GNPTAB: variants seen among roughly 807,000 people sequenced by gnomAD.
GNPTAB encodes the protein N-acetylglucosamine-1-phosphate transferase subunits alpha and beta.
Under a neutral mutation model 136.6 loss-of-function variants are expected in GNPTAB, and 92 were observed. That is an observed-to-expected ratio of 0.67 (90% CI 0.57 to 0.80). GNPTAB has a LOEUF of 0.80. Ranked by LOEUF, GNPTAB falls within the 30% of genes least tolerant of loss-of-function variation. GNPTAB has a pLI of 0.00. For synonymous variants in GNPTAB, 512 were observed against 535.1 expected, an observed-to-expected ratio of 0.96 and a Z score of 0.60; for missense variants, 1,343 against 1,501.8, an observed-to-expected ratio of 0.89 and a Z score of 1.75.
At chr12:101,811,598 G>A (rs1010888332) in intron 1 of GNPTAB, among the ~76,000 whole-genome samples, 15 of 151,586 alleles carry the variant, frequency 9.9e-5, no homozygotes, top group South Asian at 6.2e-4. Flanking sequence ...TTACGTGGCC[G>A]GAGAAGGAGG....
chr12:101,798,645 T>C (rs1007735062), intron 1 of GNPTAB, among the ~76,000 whole-genome samples: 1 of 152,230 alleles, frequency 6.6e-6, no homozygotes, highest in African/African-American at 2.4e-5. Flanking sequence ...CAATAAATCA[T>C]AACCGAATAA....
intron 16 of GNPTAB, 134 bp downstream of exon 16, chr12:101,759,896 T>C (rs1952965853): frequency 1.4e-6 from 1 of 702,196 alleles, no homozygotes; most frequent in East Asian, 2.7e-5. Flanking sequence ...TTACCTGTGC[T>C]ACTGTTTTGC....
chr12:101,796,331 T>C (rs1214956110), intron 2 of GNPTAB: 1 of 699,348 alleles, frequency 1.4e-6, no homozygotes, highest in Non-Finnish European at 2.6e-6. Context: ...GATTACTCTC[T>C]GTGAATCAGA....
chr12:101,797,242 G>C (rs1316421786), intron 1 of GNPTAB, among the ~76,000 whole-genome samples: 1 of 152,040 alleles, frequency 6.6e-6, no homozygotes, highest in Non-Finnish European at 1.5e-5. Flanking sequence ...TCTGTGCCTT[G>C]GAAGCACTGA....
At chr12:101,830,437 C>G in intron 1 of GNPTAB, 122 bp downstream of exon 1, 1 of 666,534 alleles carries the variant, frequency 1.5e-6, no homozygotes, top group South Asian at 1.5e-5. Context: ...CCAGCCTGGG[C>G]AACATGGCAA....
At chr12:101,749,471 ATTCATTTTTATTCACTC>A (rs1381879826) in intron 19 of GNPTAB, among the ~76,000 whole-genome samples, 7 of 152,212 alleles carry the variant, frequency 4.6e-5, no homozygotes, top group African/African-American at 1.7e-4. Flanking sequence ...CCACTCTTTC[ATTCATTTTTATTCACTC>A]ATACTTATTT....
chr12:101,819,051 G>C (rs372049734), intron 1 of GNPTAB, among the ~76,000 whole-genome samples: 1 of 150,204 alleles, frequency 6.7e-6, no homozygotes. Flanking sequence ...CGCTCTTGTC[G>C]CCCAGGCTGG....
chr12:101,757,446 C>A, intron 17 of GNPTAB, 126 bp downstream of exon 17: 1 of 762,098 alleles, frequency 1.3e-6, no homozygotes, highest in Non-Finnish European at 2.3e-6. Flanking sequence ...AATACTACTA[C>A]AGCAAACAAT....
Position 101,764,653 on chromosome 12 carries a change from G to A in GNPTAB, c.2264C>T (p.Thr755Ile). The A allele has an allele frequency of 6.2e-7, 1 of 1,613,226 alleles. No individual in the cohort carries two copies. The highest frequency in any genetic ancestry group is 8.5e-7 in the Non-Finnish European group (1 of 1,179,820). ...HAKIKNQAII[T>I]DETNDSLVAP... ...CACCAAACTGTCATTTGTTTCATCT[G>A]TTATTATAGCTTGATTTTTTATTTT... Residue 755 changes from threonine to isoleucine, a missense_variant, in exon 13 of 21, where the codon ACA (threonine) becomes ATA (isoleucine). By Grantham distance (89) the Thr-to-Ile change is moderately conservative. Transcript: ENST00000299314.
chr12:101,813,870 G>A (rs1006504366), intron 1 of GNPTAB, among the ~76,000 whole-genome samples: 3 of 152,112 alleles, frequency 2.0e-5, no homozygotes, highest in Non-Finnish European at 4.4e-5. Context: ...CACAAGGTCA[G>A]GAGTTTGAGA....
intron 1 of GNPTAB, among the ~76,000 whole-genome samples, chr12:101,821,056 TC>T (rs61336205): frequency 0.2 from 23,317 of 114,546 alleles, 2,684 homozygotes; most frequent in African/African-American, 0.28. Flanking sequence ...AGACTCCGTC[TC>T]AAAAAAAAAA....
intron 1 of GNPTAB, among the ~76,000 whole-genome samples, chr12:101,806,302 A>G (rs899417178): frequency 6.6e-6 from 1 of 152,232 alleles, no homozygotes; most frequent in Non-Finnish European, 1.5e-5. Context: ...CAAAATAACA[A>G]CAAGAAACAA....
At chr12:101,765,383 A>G in intron 12 of GNPTAB, 79 bp from the exon 13 acceptor site, 1 of 966,282 alleles carries the variant, frequency 1.0e-6, no homozygotes, top group Non-Finnish European at 1.6e-6. Flanking sequence ...TTTGAGTCTG[A>G]GTTTTCACTT....
chr12:101,766,421 T>A, intron 11 of GNPTAB, 127 bp from the exon 12 acceptor site: 1 of 798,564 alleles, frequency 1.3e-6, no homozygotes, highest in South Asian at 1.4e-5. Flanking sequence ...CTGGATCACC[T>A]GAGGTCAGGA....
At chr12:101,821,020 T>C (rs1478412819) in intron 1 of GNPTAB, among the ~76,000 whole-genome samples, 1 of 138,394 alleles carries the variant, frequency 7.2e-6, no homozygotes, top group Non-Finnish European at 1.5e-5. Context: ...TAGTGGCCAC[T>C]GCACTCCAGA....
At chr12:101,783,957 A>G (rs948321493) in intron 5 of GNPTAB, among the ~76,000 whole-genome samples, 6 of 152,064 alleles carry the variant, frequency 3.9e-5, no homozygotes, top group African/African-American at 1.4e-4. Flanking sequence ...AGCTCAAGCA[A>G]TCTGCCCACC....
intron 2 of GNPTAB, among the ~76,000 whole-genome samples, chr12:101,791,011 T>C (rs533850040): frequency 1.3e-5 from 2 of 152,280 alleles, no homozygotes; most frequent in South Asian, 4.1e-4. Context: ...TCATGCTTTG[T>C]TCTCTAAAGT....
At chr12:101,776,642 C>T (rs1953265848) in intron 7 of GNPTAB, among the ~76,000 whole-genome samples, 3 of 152,218 alleles carry the variant, frequency 2.0e-5, no homozygotes, top group Admixed American at 1.3e-4. Flanking sequence ...TGCAAAGACA[C>T]ATTTCTGTGC....
In GNPTAB at chr12:101,760,160, T is replaced by C; in HGVS notation, c.3136-17A>G. On this transcript the variant is annotated splice_polypyrimidine_tract_variant and intron_variant, in intron 15 of 20. Transcript: ENST00000299314. ...TGTCAAATCCTAACAAAGAAAAAGA[T>C]GATAAATCTGTTATGCGCATTGTAA... The C allele has an allele frequency of 7.0e-7, 1 of 1,427,540 alleles. No homozygotes were observed. The highest frequency in any genetic ancestry group is 9.9e-7 in the Non-Finnish European group (1 of 1,010,696). 88.4% of individuals were successfully genotyped at this position (1,427,540 alleles called of 1,614,324 possible).
Sources: gnomAD v4.1 joint callset for allele counts (sites outside exome capture counted in the v4.1 genomes callset) on GRCh38, gnomAD v4.1.1 for gene constraint, MANE v1.5 for transcripts, NCBI Gene and HGNC (gene_info 2026-07-23, HGNC 2026-07-21) for gene names.